The following ZMIZ1 variants were observed in gnomAD, a reference collection of about 807,000 sequenced individuals.
The protein encoded by ZMIZ1 is zinc finger MIZ-type containing 1, also known as zinc finger MIZ domain-containing protein 1.
ZMIZ1 carries 17 observed loss-of-function variants against 113.9 expected under a neutral mutation model. That is an observed-to-expected ratio of 0.15 (90% confidence interval 0.10 to 0.22). The LOEUF (loss-of-function observed/expected upper bound fraction) is 0.22, where lower values mean the gene tolerates loss of function less well. Ranked by LOEUF, ZMIZ1 falls within the 10% of genes least tolerant of loss-of-function variation. The probability of loss-of-function intolerance (pLI) is 1.00; values close to 1 mark genes in which losing one functional copy is unlikely to be tolerated. For synonymous variants in ZMIZ1, 607 were observed against 603.1 expected, an observed-to-expected ratio of 1.01 and a Z score of -0.09; for missense variants, 1,059 against 1,477.8, an observed-to-expected ratio of 0.72 and a Z score of 4.65.
intron 3 of ZMIZ1, among the ~76,000 whole-genome samples, chr10:79,141,449 G>C (rs751584818): frequency 9.3e-5 from 14 of 151,210 alleles, no homozygotes; most frequent in Non-Finnish European, 1.9e-4. Context: ...GCCAAGGAAA[G>C]CTTTTTTTTT....
chr10:79,162,191 T>C (rs1337014190), intron 4 of ZMIZ1, 58 bp downstream of exon 4: 1 of 398,810 alleles, frequency 2.5e-6, no homozygotes, highest in Non-Finnish European at 4.4e-6. Flanking sequence ...TGAGTCCTCA[T>C]GAGGGCAGGT....
At chr10:79,265,029 A>G (rs1276881229) in intron 7 of ZMIZ1, among the ~76,000 whole-genome samples, 1 of 152,168 alleles carries the variant, frequency 6.6e-6, no homozygotes, top group Non-Finnish European at 1.5e-5. Context: ...GGCATGGCCA[A>G]ACCGGTTTGG....
chr10:79,094,297 C>T (rs549128484), intron 1 of ZMIZ1, among the ~76,000 whole-genome samples: 90 of 152,300 alleles, frequency 5.9e-4, no homozygotes, highest in Non-Finnish European at 1.0e-3. Context: ...CAGAAGGCCA[C>T]GAACGCTGGG....
intron 18 of ZMIZ1, among the ~76,000 whole-genome samples, chr10:79,303,780 C>T (rs1336076709): frequency 6.6e-6 from 1 of 152,246 alleles, no homozygotes; most frequent in African/African-American, 2.4e-5. Flanking sequence ...ACTGCCACAG[C>T]CACCTCGTCT....
intron 7 of ZMIZ1, among the ~76,000 whole-genome samples, chr10:79,246,410 G>A (rs549167839): frequency 2.0e-4 from 30 of 152,294 alleles, no homozygotes; most frequent in African/African-American, 6.0e-4. Flanking sequence ...TGGAAGGAGC[G>A]GGCGCGAGGC....
rs1158734921 is a variant in ZMIZ1, at chr10:79,178,941, T to TCAGCGCTGCTCTGCTCTGGCC, written c.-50+16812_-50+16832dup. Among the ~76,000 whole-genome samples the TCAGCGCTGCTCTGCTCTGGCC allele has an allele frequency of 5.3e-5, 8 of 152,326 alleles. No individual in the cohort carries two copies. In the East Asian group the frequency reaches 1.5e-3, roughly 29 times the overall value. On this transcript the variant is annotated intron_variant, in intron 4 of 24. Coordinates refer to ENST00000334512, the MANE Select transcript of ZMIZ1 (RefSeq NM_020338.4). Reference sequence around the variant, plus strand: ...GCATGAAGCCCTGCCCCCGCCTGGCTCAGCGCTGCTCTGCTCTGGCCCAGG... The same window carrying TCAGCGCTGCTCTGCTCTGGCC: ...GCATGAAGCCCTGCCCCCGCCTGGCTCAGCGCTGCTCTGCTCTGGCCCAGCGCTGCTCTGCTCTGGCCCAGG...
chr10:79,133,625 CA>C (rs1844867253), intron 2 of ZMIZ1, among the ~76,000 whole-genome samples: 1 of 152,156 alleles, frequency 6.6e-6, no homozygotes, highest in Non-Finnish European at 1.5e-5. Context: ...GAAATAGACA[CA>C]TGGGGACCTT....
At chr10:79,187,422 A>C (rs561428767) in intron 4 of ZMIZ1, among the ~76,000 whole-genome samples, 25 of 152,334 alleles carry the variant, frequency 1.6e-4, no homozygotes, top group Non-Finnish European at 2.9e-4. Flanking sequence ...CGAGTTGTGT[A>C]ACCTCTCTGG....
intron 1 of ZMIZ1, among the ~76,000 whole-genome samples, chr10:79,094,181 G>T (rs142574076): frequency 2.6e-5 from 4 of 152,178 alleles, no homozygotes; most frequent in African/African-American, 9.7e-5. Context: ...CCCTTCCTCC[G>T]ACCTGGCTTC....
chr10:79,271,954 T>A (rs976012895), intron 7 of ZMIZ1, among the ~76,000 whole-genome samples: 1 of 152,168 alleles, frequency 6.6e-6, no homozygotes, highest in Non-Finnish European at 1.5e-5. Flanking sequence ...TTAAACACTT[T>A]GTAGGTGTTA....
At chr10:79,236,835 T>C (rs1394265601) in intron 7 of ZMIZ1, among the ~76,000 whole-genome samples, 1 of 152,270 alleles carries the variant, frequency 6.6e-6, no homozygotes, top group East Asian at 1.9e-4. Flanking sequence ...AGCATCTGCC[T>C]GGCATATTTT....
intron 6 of ZMIZ1, among the ~76,000 whole-genome samples, chr10:79,213,104 C>G (rs924568874): frequency 1.3e-5 from 2 of 152,172 alleles, no homozygotes; most frequent in Non-Finnish European, 2.9e-5. Flanking sequence ...AACAGAGGGT[C>G]ACAGCGCCCC....
chr10:79,112,601 C>T (rs985821395), intron 1 of ZMIZ1, among the ~76,000 whole-genome samples: 1 of 152,112 alleles, frequency 6.6e-6, no homozygotes, highest in South Asian at 2.1e-4. Flanking sequence ...GGGGAGCAGA[C>T]GAGGCCCAGA....
chr10:79,278,868 CTCTT>C (rs1171879130), intron 8 of ZMIZ1, among the ~76,000 whole-genome samples: 9 of 152,336 alleles, frequency 5.9e-5, no homozygotes, highest in African/African-American at 2.2e-4. Context: ...AATCTGATCT[CTCTT>C]TCTTTTCCCC....
intron 1 of ZMIZ1, among the ~76,000 whole-genome samples, chr10:79,070,039 T>G (rs1474264120): frequency 6.6e-6 from 1 of 151,270 alleles, no homozygotes; most frequent in Non-Finnish European, 1.5e-5. Context: ...AATACGAAAG[T>G]AATTTCCCCG....
In ZMIZ1 at chr10:79,075,496, C is replaced by T. The variant is rs147851565; in HGVS notation, c.-337+6226C>T. Among the ~76,000 whole-genome samples, 12 of 152,358 alleles carry T rather than the reference C, an allele frequency of 7.9e-5. No individual in the cohort carries two copies. In the East Asian group the frequency reaches 9.7e-4, roughly 12 times the overall value. ...TTCATTTGTCCCCAAGCTTGTTCCCCAGTTGGCAGTTACCTGTCTTATATT... is the reference window on the plus strand; with the variant it reads ...TTCATTTGTCCCCAAGCTTGTTCCCTAGTTGGCAGTTACCTGTCTTATATT... On this transcript the variant is annotated intron_variant, in intron 1 of 24. Transcript: ENST00000334512.
intron 7 of ZMIZ1, among the ~76,000 whole-genome samples, chr10:79,230,007 G>T (rs1308469571): frequency 6.6e-6 from 1 of 152,140 alleles, no homozygotes; most frequent in African/African-American, 2.4e-5. Flanking sequence ...CCTTGCCCAG[G>T]GTCACACAGC....
At chr10:79,298,970 G>A in intron 15 of ZMIZ1, 80 bp from the exon 16 acceptor site, 1 of 1,522,780 alleles carries the variant, frequency 6.6e-7, no homozygotes, top group South Asian at 1.3e-5. Flanking sequence ...TGCAGCCCAG[G>A]GTGAGCAAGT....
chr10:79,230,698 TC>T (rs1433601198), intron 7 of ZMIZ1, among the ~76,000 whole-genome samples: 1 of 152,172 alleles, frequency 6.6e-6, no homozygotes, highest in Non-Finnish European at 1.5e-5. Flanking sequence ...AAGCCAGCAC[TC>T]TGAAGCATGC....
Sources: gnomAD v4.1 joint callset for allele counts (sites outside exome capture counted in the v4.1 genomes callset) on GRCh38, gnomAD v4.1.1 for gene constraint, MANE v1.5 for transcripts, NCBI Gene and HGNC (gene_info 2026-07-23, HGNC 2026-07-21) for gene names.